Variants in PGS1 observed in about 807,000 individuals in gnomAD.
PGS1 encodes the protein phosphatidylglycerophosphate synthase 1, also known as CDP-diacylglycerol--glycerol-3-phosphate 3-phosphatidyltransferase, mitochondrial.
PGS1 carries 44 observed loss-of-function variants against 58.3 expected under a neutral mutation model. The observed-to-expected ratio is 0.75, with a 90% CI of 0.59 to 0.97. The LOEUF (loss-of-function observed/expected upper bound fraction) is 0.97. Among genes scored for constraint, PGS1 ranks in the 50% least tolerant of loss-of-function variants. PGS1 has a pLI of 0.00. For missense variants in PGS1, 684 were observed against 731.1 expected (o/e 0.94, Z 0.74); for synonymous variants, 330 against 311.0 (o/e 1.06, Z -0.64).
intron 1 of PGS1, among the ~76,000 whole-genome samples, chr17:78,388,229 A>G (rs1016990590): frequency 1.3e-5 from 2 of 152,220 alleles, no homozygotes; most frequent in Admixed American, 1.3e-4. Flanking sequence ...CCTGCCTAGG[A>G]TAACTCCAGG....
chr17:78,380,311 C>T (rs1442554014), intron 1 of PGS1, among the ~76,000 whole-genome samples: 5 of 152,176 alleles, frequency 3.3e-5, no homozygotes, highest in Non-Finnish European at 7.3e-5. Context: ...TGGGGTCAGA[C>T]ATCTAGTACA....
At chr17:78,413,109 G>A (rs77998478) in intron 7 of PGS1, among the ~76,000 whole-genome samples, 2,436 of 152,366 alleles carry the variant, frequency 0.016, 29 homozygotes, top group Non-Finnish European at 0.025. Flanking sequence ...TGGCCCAGCG[G>A]AGCGGTACTG....
intron 7 of PGS1, among the ~76,000 whole-genome samples, 190 bp downstream of exon 7, chr17:78,404,279 ATT>A (rs34032688): frequency 3.1e-4 from 38 of 122,630 alleles, no homozygotes; most frequent in South Asian, 5.3e-4. Context: ...CCTCAAGGGA[ATT>A]TTTTTTTTTT....
rs564517631 is a variant in PGS1 at position 78,424,114 on chromosome 17, G to C, written c.*64G>C. On this transcript the variant is annotated 3_prime_UTR_variant, in exon 10 of 10. Transcript: ENST00000262764. ...GGCCGGGGTCAGCTCTTTCAGCCGC[G>C]CTTCAGCGATGACTCCAGTCTGGGT... is the stretch of plus-strand genomic sequence containing the variant. The C allele has an allele frequency of 6.2e-7, 1 of 1,613,486 alleles. No homozygotes were observed. Among genetic ancestry groups the C allele is most frequent in the East Asian group, 2.2e-5 (1 of 44,898 alleles).
At chr17:78,398,593 C>T (rs550907620) in intron 4 of PGS1, among the ~76,000 whole-genome samples, 70 of 152,294 alleles carry the variant, frequency 4.6e-4, no homozygotes, top group African/African-American at 1.5e-3. Flanking sequence ...GTCCCACTTG[C>T]GTGGGAGGCT....
rs372045020 is a variant in PGS1 at position 78,399,264 on chromosome 17, G to C, written c.512-84G>C. ...TCAGGTGGACGGCACAGGTGAAGGC[G>C]AGGCCACGTGGAGGTGGCTCCTCAT... On this transcript the variant is annotated intron_variant, in intron 4 of 9. Transcript: ENST00000262764. The C allele has an allele frequency of 1.3e-4, 135 of 1,079,070 alleles. 2 individuals are homozygous for C. The African/African-American group carries it at 1.7e-3, about 14-fold the overall frequency. 66.8% of individuals were successfully genotyped at this position (1,079,070 alleles called of 1,614,324 possible).
intron 6 of PGS1, among the ~76,000 whole-genome samples, chr17:78,402,075 C>T (rs766774796): frequency 9.2e-5 from 14 of 152,124 alleles, no homozygotes; most frequent in Admixed American, 5.9e-4. Flanking sequence ...CTCCTCCCTC[C>T]GGCAGCCCTG....
intron 9 of PGS1, chr17:78,419,885 A>G: frequency 7.7e-7 from 1 of 1,294,904 alleles, no homozygotes; most frequent in Non-Finnish European, 9.9e-7. Context: ...TCCATCTGGT[A>G]CCCACTCCAC....
intron 1 of PGS1, among the ~76,000 whole-genome samples, chr17:78,384,936 G>C (rs560454650): frequency 2.0e-5 from 3 of 152,322 alleles, no homozygotes; most frequent in Admixed American, 6.5e-5. Flanking sequence ...GTCTTCAGTG[G>C]CATCCCTTCT....
intron 9 of PGS1, among the ~76,000 whole-genome samples, chr17:78,422,675 T>TTTGA (rs1488235201): frequency 5.9e-5 from 9 of 151,760 alleles, no homozygotes; most frequent in Non-Finnish European, 8.8e-5. Context: ...TTTTTGTATT[T>TTTGA]TTGATTGATA....
chr17:78,418,905 C>T lies in PGS1; in HGVS notation c.1552-641C>T, dbSNP rs550554026. On this transcript the variant is annotated intron_variant, in intron 8 of 9. Transcript: ENST00000262764. ...TACCTCATTTTAATATGCATTACCT[C>T]GTTTAGTGAGGGTGAACATTTAAAA... 2.8e-4 allele frequency among the ~76,000 whole-genome samples: 43 copies of T among 152,202 alleles called. 1 individual carries two copies. The South Asian group carries it at 8.3e-3, about 29-fold the overall frequency.
At chr17:78,409,231 C>T (rs773852012) in intron 7 of PGS1, among the ~76,000 whole-genome samples, 25 of 152,258 alleles carry the variant, frequency 1.6e-4, no homozygotes, top group Non-Finnish European at 2.1e-4. Context: ...CTCTGCCCTC[C>T]GGCGTGCATT....
intron 2 of PGS1, 38 bp from the exon 3 acceptor site, chr17:78,396,270 A>G: frequency 6.6e-7 from 1 of 1,509,188 alleles, no homozygotes; most frequent in African/African-American, 1.4e-5. Context: ...AACCATGAAA[A>G]TGATGAATTT....
rs1367022036 is a variant in PGS1 at position 78,396,345 on chromosome 17, C to T, written c.371C>T (p.Ala124Val). Reference sequence around the variant, plus strand: ...GTAGCCAAGAGGCGGGTCGTGATGGCATCCCTCTACCTGGGGACAGGTCCT... The same window carrying T: ...GTAGCCAAGAGGCGGGTCGTGATGGTATCCCTCTACCTGGGGACAGGTCCT... ...IRVAKRRVVM[A>V]SLYLGTGPLE... The change falls in exon 3 of 10, where the codon GCA (alanine) becomes GTA (valine). Residue 124 changes from alanine (A) to valine (V), a missense_variant. Coordinates refer to ENST00000262764, the MANE Select transcript of PGS1 (RefSeq NM_024419.5). The T allele has an allele frequency of 1.9e-6, 3 of 1,613,510 alleles. No individual in the cohort carries two copies. The African/African-American group carries it at 4.0e-5, about 22-fold the overall frequency.
At chr17:78,423,380 C>T (rs2086121742) in intron 9 of PGS1, among the ~76,000 whole-genome samples, 1 of 152,092 alleles carries the variant, frequency 6.6e-6, no homozygotes. Context: ...TGTAAAAGGT[C>T]CTGTTGTTTT....
At position 78,424,286 on chromosome 17, in the gene PGS1, T is replaced by G. The variant is rs1275338734; in HGVS notation, c.*236T>G. ...CTACCCCAAAAGGCTTCAGGCCAGC[T>G]GCCACGGCTGGAAGCAGAGGCCTTC... On this transcript the variant is annotated 3_prime_UTR_variant, in exon 10 of 10. Transcript: ENST00000262764. 5 of 1,195,710 alleles carry G rather than the reference T, an allele frequency of 4.2e-6. No individual in the cohort carries two copies. The highest frequency in any genetic ancestry group is 5.7e-6 in the Non-Finnish European group (5 of 880,054). The allele number at this position is 1,195,710 out of a possible 1,614,324, so 74.1% of individuals were successfully genotyped here.
intron 2 of PGS1, among the ~76,000 whole-genome samples, chr17:78,395,680 C>G (rs1321066733): frequency 1.3e-5 from 2 of 152,194 alleles, no homozygotes; most frequent in Non-Finnish European, 2.9e-5. Flanking sequence ...ACCTGTCCAT[C>G]TATGTTTCAA....
intron 6 of PGS1, 35 bp from the exon 7 acceptor site, chr17:78,403,533 C>G: frequency 1.9e-6 from 3 of 1,594,246 alleles, no homozygotes; most frequent in Non-Finnish European, 8.6e-7. Context: ...CCCTCCATTT[C>G]TCTTCCCTTC....
Position 78,399,429 on chromosome 17 carries a change from C to G in PGS1, c.593C>G (p.Pro198Arg), listed in dbSNP as rs747202555. The G allele has an allele frequency of 2.5e-6, 4 of 1,614,122 alleles. No individual in the cohort carries two copies. The highest frequency in any genetic ancestry group is 3.4e-6 in the Non-Finnish European group (4 of 1,180,022). ...GTCCGAGTCTCCCTCTTTCACACGC[C>G]GCACCTCCGTGGGCTGCTTCGGCTC... is the stretch of plus-strand genomic sequence containing the variant. ...EQVRVSLFHT[P>R]HLRGLLRLLI... Residue 198 changes from proline (P) to arginine (R), a missense_variant, in exon 5 of 10, where the codon CCG becomes CGG. Transcript: ENST00000262764.
Sources: gnomAD v4.1 joint callset for allele counts (sites outside exome capture counted in the v4.1 genomes callset) on GRCh38, gnomAD v4.1.1 for gene constraint, MANE v1.5 for transcripts, NCBI Gene and HGNC (gene_info 2026-07-23, HGNC 2026-07-21) for gene names.